CNST: variants seen among roughly 807,000 people sequenced by gnomAD.
The protein encoded by CNST is consortin, connexin sorting protein, also known as consortin.
A neutral mutation model predicts 72.4 loss-of-function variants in CNST; 39 were observed. The observed-to-expected ratio is 0.54, with a 90% CI of 0.42 to 0.70. The LOEUF is 0.70. CNST is among the 30% of genes least tolerant of loss of function. The pLI is 0.00. For synonymous variants in CNST, 332 were observed against 320.1 expected (o/e 1.04, Z -0.40); for missense variants, 871 against 868.5 (o/e 1.00, Z -0.04).
intron 10 of CNST, among the ~76,000 whole-genome samples, chr1:246,662,275 T>A (rs1425238795): frequency 6.6e-6 from 1 of 152,230 alleles, no homozygotes; most frequent in Non-Finnish European, 1.5e-5. Context: ...CTGTTCTTCC[T>A]TCTGTAAGCC....
chr1:246,634,855 C>T (rs1300996695), intron 6 of CNST, among the ~76,000 whole-genome samples: 1 of 152,052 alleles, frequency 6.6e-6, no homozygotes, highest in Non-Finnish European at 1.5e-5. Context: ...CACGTGAGGA[C>T]GGGGCAGGGG....
rs1199735151 is a variant in CNST at position 246,606,620 on chromosome 1, T to C, written c.379+14679T>C. Reference sequence around the variant, plus strand: ...TGTAGTCTAATTATTCTATTTAGGATATATGTGGGAGTGCGATAACCCCGT... The same window carrying C: ...TGTAGTCTAATTATTCTATTTAGGACATATGTGGGAGTGCGATAACCCCGT... On this transcript the variant is annotated intron_variant, in intron 2 of 10. Transcript: ENST00000366513. 6 of 151,358 alleles carry C rather than the reference T, an allele frequency of 4.0e-5. No individual in the cohort carries two copies. In the East Asian group the frequency reaches 1.2e-3, roughly 29 times the overall value. The allele number at this position is 151,358 out of a possible 1,614,324, so 9.4% of individuals were successfully genotyped here.
At chr1:246,567,353 C>T (rs556873215) in intron 1 of CNST, among the ~76,000 whole-genome samples, 2 of 148,088 alleles carry the variant, frequency 1.4e-5, no homozygotes, top group South Asian at 4.3e-4. Flanking sequence ...TTTTGGCAGT[C>T]TTTTTTTTTT....
At chr1:246,582,791 C>T (rs1017147461) in intron 1 of CNST, among the ~76,000 whole-genome samples, 1 of 152,176 alleles carries the variant, frequency 6.6e-6, no homozygotes, top group Non-Finnish European at 1.5e-5. Context: ...CTCCATGCAC[C>T]TCAGGTACGA....
At position 246,624,478 on chromosome 1, in the gene CNST, A is replaced by G. The variant is rs971989653; in HGVS notation, c.585+2844A>G. The stretch of plus-strand genomic sequence containing the variant: ...ACAGTAAAAGCCAAAGAAATATTAA[A>G]CATTTAAACTCTATTCCTACTGTCA... On this transcript the variant is annotated intron_variant, in intron 3 of 10. Transcript: ENST00000366513. 2.6e-5 allele frequency among the ~76,000 whole-genome samples: 4 copies of G among 152,254 alleles called. No homozygotes were observed. The East Asian group carries it at 7.7e-4, about 29-fold the overall frequency.
intron 2 of CNST, among the ~76,000 whole-genome samples, chr1:246,610,158 T>G (rs1195976259): frequency 6.6e-6 from 1 of 152,218 alleles, no homozygotes; most frequent in South Asian, 2.1e-4. Context: ...AGCGAGCACC[T>G]GTAATCCCAG....
intron 4 of CNST, 55 bp downstream of exon 4, chr1:246,631,979 AT>A (rs938767062): frequency 1.5e-4 from 145 of 993,614 alleles, no homozygotes; most frequent in Middle Eastern, 4.5e-4. Flanking sequence ...AGAACCATTC[AT>A]TTTTTTTAAT....
chr1:246,597,782 C>T (rs564592236), intron 2 of CNST, among the ~76,000 whole-genome samples: 1 of 152,048 alleles, frequency 6.6e-6, no homozygotes, highest in Non-Finnish European at 1.5e-5. Context: ...CTGTTCTTAC[C>T]TATATGATCT....
rs1666208180 is a variant in CNST at position 246,647,858 on chromosome 1, G to A, written c.1657G>A (p.Glu553Lys). 1.9e-6 allele frequency: 3 copies of A among 1,614,156 alleles called. No individual in the cohort carries two copies. Among genetic ancestry groups the A allele is most frequent in the Non-Finnish European group, 2.5e-6 (3 of 1,180,030 alleles). ...ETEDYLNSLL[E>K]GCLKDTEDSL... ...AGAAGACTATTTGAACAGCCTTTTA[G>A]AAGGATGTTTAAAAGATACTGAAGA... The change falls in exon 9 of 11, where the codon GAA becomes AAA. Residue 553 changes from glutamate (E) to lysine (K), a missense_variant. By Grantham distance (56) the Glu-to-Lys change is moderately conservative. Transcript: ENST00000366513.
rs749136723 is a variant in CNST, at chr1:246,647,365, C to G, written c.1164C>G (p.Asp388Glu). 3.1e-6 allele frequency: 5 copies of G among 1,614,002 alleles called. No homozygotes were observed. In the Admixed American group the frequency reaches 8.3e-5, roughly 27 times the overall value. Reference sequence around the variant, plus strand: ...CAGCAGGGAGCCCGTCTGGGCCAGACTCTTCTGAGGATGCTTGTGAGGATG... The same window carrying G: ...CAGCAGGGAGCCCGTCTGGGCCAGAGTCTTCTGAGGATGCTTGTGAGGATG... ...SETAGSPSGP[D>E]SSEDACEDDS... Residue 388 changes from aspartate (D) to glutamate (E), a missense_variant, in exon 9 of 11, where the codon GAC becomes GAG. By Grantham distance (45) the Asp-to-Glu change is conservative (BLOSUM62 2). Transcript: ENST00000366513.
At chr1:246,618,190 T>C (rs945938030) in intron 2 of CNST, among the ~76,000 whole-genome samples, 1 of 152,228 alleles carries the variant, frequency 6.6e-6, no homozygotes, top group Non-Finnish European at 1.5e-5. Flanking sequence ...TAGCAAAACC[T>C]CTGGAGATTT....
chr1:246,652,785 A>C (rs1236904327), intron 9 of CNST, among the ~76,000 whole-genome samples: 1 of 151,272 alleles, frequency 6.6e-6, no homozygotes, highest in South Asian at 2.1e-4. Context: ...CGGGCGGATC[A>C]CGAGGTCAGG....
chr1:246,568,161 A>T (rs1262176034), intron 1 of CNST, among the ~76,000 whole-genome samples: 1 of 152,224 alleles, frequency 6.6e-6, no homozygotes, highest in African/African-American at 2.4e-5. Flanking sequence ...GAAAAAGAGA[A>T]AAAGAAAAAT....
rs1487449820 is a variant in CNST, at chr1:246,647,316, C to G, written c.1115C>G (p.Ala372Gly). 6.2e-7 allele frequency: 1 copy of G among 1,613,988 alleles called. No individual in the cohort carries two copies. The highest frequency in any genetic ancestry group is 1.3e-5 in the African/African-American group (1 of 74,922). The change falls in exon 9 of 11, where the codon GCG (alanine) becomes GGG (glycine). Residue 372 changes from alanine to glycine, a missense_variant. Coordinates refer to ENST00000366513, the MANE Select transcript of CNST (RefSeq NM_152609.3). ...CTCTGCAGCGCTGAAGCCACGTTAG[C>G]GCTCCACACCCAGTCCTCCGAGACA... ...ELLCSAEATL[A>G]LHTQSSETAG...
rs368977508 is a variant in CNST, at chr1:246,647,906, C to G, written c.1705C>G (p.Gln569Glu). The G allele has an allele frequency of 6.2e-7, 1 of 1,613,688 alleles. No homozygotes were observed. Among genetic ancestry groups the G allele is most frequent in the Non-Finnish European group, 8.5e-7 (1 of 1,179,962 alleles). Residue 569 changes from glutamine (Q) to glutamate (E), a missense_variant, in exon 9 of 11, where the codon CAA (glutamine) becomes GAA (glutamate). By Grantham distance (29) the Gln-to-Glu change is conservative. Transcript: ENST00000366513. ...AGATTCCCTTTCCTATGAAGATAAC[C>G]AAGACGACGACTCCGATCTCCTTCA... ...TEDSLSYEDN[Q>E]DDDSDLLQDL...
chr1:246,658,093 C>T (rs1666865794), intron 9 of CNST, among the ~76,000 whole-genome samples: 1 of 152,176 alleles, frequency 6.6e-6, no homozygotes, highest in South Asian at 2.1e-4. Flanking sequence ...TAAACTTCCT[C>T]CCCGCTTTTA....
At chr1:246,661,266 G>A (rs537765248) in intron 10 of CNST, among the ~76,000 whole-genome samples, 13 of 151,878 alleles carry the variant, frequency 8.6e-5, no homozygotes, top group Admixed American at 3.3e-4. Context: ...GTGAGCCACC[G>A]CACCAGGCCC....
chr1:246,589,981 A>G (rs1201790713), intron 1 of CNST, among the ~76,000 whole-genome samples: 1 of 151,920 alleles, frequency 6.6e-6, no homozygotes, highest in African/African-American at 2.4e-5. Flanking sequence ...TTTCTTGTAA[A>G]TTTGTTTGAG....
chr1:246,634,110 A>G, intron 5 of CNST, 100 bp downstream of exon 5: 1 of 785,752 alleles, frequency 1.3e-6, no homozygotes. Context: ...ATCAGAAAAT[A>G]GATGTTTCCA....
Sources: gnomAD v4.1 joint callset for allele counts (sites outside exome capture counted in the v4.1 genomes callset) on GRCh38, gnomAD v4.1.1 for gene constraint, MANE v1.5 for transcripts, NCBI Gene and HGNC (gene_info 2026-07-23, HGNC 2026-07-21) for gene names.